FBN2: variants seen among roughly 807,000 people sequenced by gnomAD.
FBN2 encodes fibrillin-2.
Under a neutral mutation model 355.6 loss-of-function variants are expected in FBN2, and 105 were observed. The ratio of observed to expected loss-of-function variants is 0.30; its 90% CI spans 0.25 to 0.35. The LOEUF is 0.35. Among genes scored for constraint, FBN2 ranks in the 10% least tolerant of loss-of-function variants. The pLI, the probability that FBN2 is intolerant of heterozygous loss-of-function variation, is 1.00. For missense variants in FBN2, 3,280 were observed against 3,758.7 expected (o/e 0.87, Z 3.33); for synonymous variants, 1,350 against 1,301.2 (o/e 1.04, Z -0.81).
Position 128,468,435 on chromosome 5 carries a change from T to C in FBN2, c.629-3514A>G, listed in dbSNP as rs1203829741. On this transcript the variant is annotated intron_variant, in intron 5 of 64. Coordinates refer to ENST00000262464, the MANE Select transcript of FBN2 (RefSeq NM_001999.4). ...TGTGGATATATGTTTTCATTTCTCT[T>C]GGTAGTTATTTAAGAGTGGAACTAC... is the stretch of plus-strand genomic sequence containing the variant. 1.3e-4 allele frequency among the ~76,000 whole-genome samples: 20 copies of C among 152,356 alleles called. No individual in the cohort carries two copies. In the South Asian group the frequency reaches 3.9e-3, roughly 30 times the overall value.
At chr5:128,518,776 A>G (rs1255458457) in intron 5 of FBN2, among the ~76,000 whole-genome samples, 2 of 152,176 alleles carry the variant, frequency 1.3e-5, no homozygotes, top group East Asian at 3.8e-4. Flanking sequence ...AAAGGAGGGC[A>G]GGGTCAAGAG....
rs374767498 is a variant in FBN2 at position 128,402,828 on chromosome 5, C to T, written c.1078+5846G>A. 3.3e-5 allele frequency among the ~76,000 whole-genome samples: 5 copies of T among 152,128 alleles called. No homozygotes were observed. The South Asian group carries it at 6.2e-4, about 19-fold the overall frequency. ...CCTGGGCTCCCCTTGATTGATTTTG[C>T]GGATTCTTACTATTCCTAAAATACT... On this transcript the variant is annotated intron_variant, in intron 8 of 64. Transcript: ENST00000262464.
chr5:128,274,717 TAG>T (rs1489205251), intron 59 of FBN2, 34 bp from the exon 60 acceptor site: 1 of 1,218,486 alleles, frequency 8.2e-7, no homozygotes, highest in Non-Finnish European at 1.2e-6. Flanking sequence ...AAAATCACAG[TAG>T]ACTATCTGGC....
In FBN2 at chr5:128,263,576, G is replaced by A. The variant is rs1157259348; in HGVS notation, c.8041C>T (p.Pro2681Ser). 1 of 1,614,102 alleles carries A rather than the reference G, an allele frequency of 6.2e-7. No individual in the cohort carries two copies. The highest frequency in any genetic ancestry group is 1.1e-5 in the South Asian group (1 of 91,076). ...AACTGGTCGAAGGAGAACCCCGAGG[G>A]GCAGGCGCACTTGTAACTCCCCAGG... ...NTLGSYKCAC[P>S]SGFSFDQFSS... is the part of the protein sequence containing the mutation. Residue 2681 changes from proline (P) to serine (S), a missense_variant, in exon 63 of 65, where the codon CCC (proline) becomes TCC (serine). Pro to Ser is a moderately conservative substitution (Grantham distance 74, BLOSUM62 -1). Coordinates refer to ENST00000262464, the MANE Select transcript of FBN2 (RefSeq NM_001999.4).
intron 2 of FBN2, among the ~76,000 whole-genome samples, chr5:128,534,497 T>C (rs4835948): frequency 0.55 from 83,602 of 152,106 alleles, 25,354 homozygotes; most frequent in African/African-American, 0.82. Context: ...TTTAGATGTG[T>C]TTCTAATAAA....
intron 11 of FBN2, among the ~76,000 whole-genome samples, chr5:128,386,396 C>T (rs1319952562): frequency 7.9e-5 from 12 of 151,976 alleles, no homozygotes; most frequent in Admixed American, 7.9e-4. Context: ...TGTTTTTGTA[C>T]CAGTACTGTA....
chr5:128,448,481 A>G lies in FBN2; in HGVS notation c.827-1875T>C, dbSNP rs1039647248. 9.2e-5 allele frequency among the ~76,000 whole-genome samples: 14 copies of G among 151,546 alleles called. No homozygotes were observed. In the South Asian group the frequency reaches 2.7e-3, roughly 29 times the overall value. ...CACCACCACGCCCGGCTAATTTTGT[A>G]TTTTTAGTAGAGATGGGGTTTCTCC... On this transcript the variant is annotated intron_variant, in intron 6 of 64. Transcript: ENST00000262464.
At chr5:128,348,892 T>C (rs1421117200) in intron 23 of FBN2, among the ~76,000 whole-genome samples, 1 of 152,116 alleles carries the variant, frequency 6.6e-6, no homozygotes, top group African/African-American at 2.4e-5. Flanking sequence ...TAAACTCTAA[T>C]AGCAATAAAG....
intron 7 of FBN2, among the ~76,000 whole-genome samples, chr5:128,437,634 T>G (rs1753802888): frequency 6.6e-6 from 1 of 151,974 alleles, no homozygotes; most frequent in Admixed American, 6.6e-5. Context: ...CAAAAGTAGG[T>G]CATGGATCAA....
chr5:128,361,406 A>C (rs916016460), intron 19 of FBN2, among the ~76,000 whole-genome samples: 10 of 152,244 alleles, frequency 6.6e-5, no homozygotes, highest in Non-Finnish European at 1.2e-4. Context: ...AGGAAAACAC[A>C]GTAAACAAAT....
intron 53 of FBN2, among the ~76,000 whole-genome samples, chr5:128,287,849 AG>A (rs1276453422): frequency 6.6e-6 from 1 of 152,262 alleles, no homozygotes; most frequent in Non-Finnish European, 1.5e-5. Flanking sequence ...TGCTAAAGAA[AG>A]GGAACCCAGG....
chr5:128,291,933 T>C (rs998054314), intron 48 of FBN2, among the ~76,000 whole-genome samples: 6 of 152,144 alleles, frequency 3.9e-5, no homozygotes, highest in East Asian at 1.9e-4. Flanking sequence ...AACAACTCCA[T>C]GTCTCATGGG....
rs773419851 is a variant in FBN2 at position 128,357,415 on chromosome 5, G to C, written c.2555-20C>G. ...TTATATCTACAATCCAGAAGGAAAA[G>C]ATTCTGTTAGAACTGCCATGTGTTT... On this transcript the variant is annotated intron_variant, in intron 19 of 64. Transcript: ENST00000262464. 1 of 1,613,438 alleles carries C rather than the reference G, an allele frequency of 6.2e-7. No homozygotes were observed. Among genetic ancestry groups the C allele is most frequent in the African/African-American group, 1.3e-5 (1 of 74,914 alleles).
chr5:128,437,812 A>AG (rs1491386801), intron 7 of FBN2, among the ~76,000 whole-genome samples: 1 of 151,738 alleles, frequency 6.6e-6, no homozygotes, highest in East Asian at 1.9e-4. Flanking sequence ...ATAGATAGAT[A>AG]GATAGATAGA....
intron 60 of FBN2, among the ~76,000 whole-genome samples, chr5:128,274,328 A>C (rs1427354408): frequency 6.6e-6 from 1 of 152,162 alleles, no homozygotes; most frequent in Non-Finnish European, 1.5e-5. Flanking sequence ...ATGTGATATA[A>C]AGGCACTGCT....
chr5:128,534,226 A>G (rs1454175118), intron 2 of FBN2, among the ~76,000 whole-genome samples: 2 of 152,174 alleles, frequency 1.3e-5, no homozygotes, highest in Non-Finnish European at 1.5e-5. Flanking sequence ...ATGGTGTGAT[A>G]CAGATAAATC....
intron 5 of FBN2, among the ~76,000 whole-genome samples, chr5:128,490,852 G>T (rs888897886): frequency 1.1e-4 from 17 of 152,120 alleles, no homozygotes; most frequent in African/African-American, 3.6e-4. Context: ...CTACTTTACT[G>T]ATCAGTGGCT....
chr5:128,377,402 T>G (rs955592038), intron 13 of FBN2, among the ~76,000 whole-genome samples: 2 of 152,198 alleles, frequency 1.3e-5, no homozygotes, highest in Non-Finnish European at 2.9e-5. Context: ...GTCAGTGTTG[T>G]AACCCCAACA....
chr5:128,304,908 C>T (rs540930698), intron 45 of FBN2, 49 bp downstream of exon 45: 2 of 1,612,946 alleles, frequency 1.2e-6, no homozygotes, highest in Admixed American at 1.7e-5. Flanking sequence ...GTGATCTGTT[C>T]TGGAACCCCA....
Sources: gnomAD v4.1 joint callset for allele counts (sites outside exome capture counted in the v4.1 genomes callset) on GRCh38, gnomAD v4.1.1 for gene constraint, MANE v1.5 for transcripts, NCBI Gene and HGNC (gene_info 2026-07-23, HGNC 2026-07-21) for gene names.